The following HDGFL3 variants were observed in gnomAD, a reference collection of about 807,000 sequenced individuals.
HDGFL3 encodes hepatoma-derived growth factor-related protein 3.
In HDGFL3, 6 loss-of-function variants were observed where a neutral mutation model predicts 27.6. That is an observed-to-expected ratio of 0.22 (90% CI 0.12 to 0.43). The LOEUF (loss-of-function observed/expected upper bound fraction) is 0.43, where lower values mean the gene tolerates loss of function less well. Ranked by LOEUF, HDGFL3 falls within the 20% of genes least tolerant of loss-of-function variation. HDGFL3 has a pLI of 1.00. For missense variants in HDGFL3, 207 were observed against 250.1 expected (o/e 0.83, Z 1.16); for synonymous variants, 88 against 88.9 (o/e 0.99, Z 0.05).
rs2151377800 is a variant in HDGFL3 at position 83,128,112 on chromosome 15, T to C, written c.*11158A>G. 6.6e-6 allele frequency: 1 copy of C among 152,336 alleles called. No individual in the cohort carries two copies. The highest frequency in any genetic ancestry group is 2.1e-4 in the South Asian group (1 of 4,832). The allele number at this position is 152,336 out of a possible 1,614,324, so 9.4% of individuals were successfully genotyped here. A position where few individuals can be genotyped will look rare whatever the true frequency, so the allele number is the denominator to read the frequency against. ...CTTCTGAACAAGGAAGAAAATTAAT[T>C]TTTCTTACTAGAAATAAAACAAATG... is the stretch of plus-strand genomic sequence containing the variant. On this transcript the variant is annotated 3_prime_UTR_variant, in exon 6 of 6. Transcript: ENST00000299633.
rs952103572 is a variant in HDGFL3, at chr15:83,135,557, A to T, written c.*3713T>A. On this transcript the variant is annotated 3_prime_UTR_variant, in exon 6 of 6. Transcript: ENST00000299633. Reference sequence around the variant, plus strand: ...ATTTTGTAATGATACAAGCCTTCTGAGGAAATTTTCTGACAGGAGCTTTTA... The same window carrying T: ...ATTTTGTAATGATACAAGCCTTCTGTGGAAATTTTCTGACAGGAGCTTTTA... 1 of 152,184 alleles carries T rather than the reference A, an allele frequency of 6.6e-6. No individual in the cohort carries two copies. Among genetic ancestry groups the T allele is most frequent in the Non-Finnish European group, 1.5e-5 (1 of 68,026 alleles). 9.4% of individuals were successfully genotyped at this position (152,184 alleles called of 1,614,324 possible).
At chr15:83,193,824 CT>C (rs2037540259) in intron 1 of HDGFL3, among the ~76,000 whole-genome samples, 1 of 152,184 alleles carries the variant, frequency 6.6e-6, no homozygotes, top group Non-Finnish European at 1.5e-5. Context: ...AGAACTGCCC[CT>C]GAACTGCTAC....
At chr15:83,181,441 C>A (rs780286663) in intron 1 of HDGFL3, among the ~76,000 whole-genome samples, 4 of 152,164 alleles carry the variant, frequency 2.6e-5, no homozygotes, top group African/African-American at 9.7e-5. Flanking sequence ...TTATGATCTT[C>A]ATTTAAACCT....
At chr15:83,126,347 AG>A (rs2035751047), downstream of HDGFL3, among the ~76,000 whole-genome samples, 1 of 152,202 alleles carries the variant, frequency 6.6e-6, no homozygotes, top group Non-Finnish European at 1.5e-5. Flanking sequence ...GGAGACAGGA[AG>A]GTGCTATTTT....
At chr15:83,119,050 TAGA>T (rs1226027403) in intron 3 of HDGFL3, among the ~76,000 whole-genome samples, 1 of 151,992 alleles carries the variant, frequency 6.6e-6, no homozygotes, top group Admixed American at 6.6e-5. Context: ...GTTGGGAAGG[TAGA>T]AGGAGGGGTT....
At chr15:83,125,669 T>C (rs2035677416), downstream of HDGFL3, among the ~76,000 whole-genome samples, 1 of 152,252 alleles carries the variant, frequency 6.6e-6, no homozygotes. Context: ...TTGTTAATTA[T>C]ATTCAGCTTC....
chr15:83,197,966 G>C (rs2037592098), intron 1 of HDGFL3, among the ~76,000 whole-genome samples: 2 of 147,668 alleles, frequency 1.4e-5, no homozygotes, highest in East Asian at 2.0e-4. Context: ...CGGCGGGGAG[G>C]GGGTGATGAG....
chr15:83,167,086 A>AT (rs761960571), intron 1 of HDGFL3, among the ~76,000 whole-genome samples: 37 of 152,240 alleles, frequency 2.4e-4, no homozygotes, highest in Non-Finnish European at 4.3e-4. Flanking sequence ...GGCAGCTTGG[A>AT]TAAGAAAACA....
intron 5 of HDGFL3, among the ~76,000 whole-genome samples, chr15:83,148,235 T>G (rs1167788474): frequency 6.6e-6 from 1 of 152,214 alleles, no homozygotes. Flanking sequence ...GGCTCAGTAT[T>G]TTCAGTTCTA....
At chr15:83,188,692 T>TTA (rs2037475409) in intron 1 of HDGFL3, among the ~76,000 whole-genome samples, 2 of 152,316 alleles carry the variant, frequency 1.3e-5, no homozygotes, top group Non-Finnish European at 1.5e-5. Context: ...CATCCACTTC[T>TTA]TATGAGTCTC....
exon 4 of HDGFL3, chr15:83,113,112 G>A (rs1293674138): frequency 1.7e-6 from 1 of 581,450 alleles, no homozygotes; most frequent in Non-Finnish European, 3.1e-6. Flanking sequence ...CATCCCGGTG[G>A]AGAGTTACTG....
intron 1 of HDGFL3, among the ~76,000 whole-genome samples, chr15:83,194,087 A>C (rs2037543020): frequency 6.6e-6 from 1 of 152,188 alleles, no homozygotes; most frequent in Non-Finnish European, 1.5e-5. Context: ...CAAAGAACAG[A>C]ATGTAGGGTC....
chr15:83,193,877 A>G lies in HDGFL3; in HGVS notation c.84+13454T>C, dbSNP rs566480198. On this transcript the variant is annotated intron_variant, in intron 1 of 5. Transcript: ENST00000299633. ...ACAGGGTAGCCTATAGTGTAGCTGC[A>G]CTCTGCATGGGGCAGTACCTGTGCT... is the stretch of plus-strand genomic sequence containing the variant. Among the ~76,000 whole-genome samples the G allele has an allele frequency of 6.6e-5, 10 of 152,182 alleles. No homozygotes were observed. In the South Asian group the frequency reaches 1.7e-3, roughly 25 times the overall value.
chr15:83,118,648 T>C (rs2034923111), intron 3 of HDGFL3, among the ~76,000 whole-genome samples: 1 of 152,192 alleles, frequency 6.6e-6, no homozygotes, highest in Non-Finnish European at 1.5e-5. Flanking sequence ...CCCTGCTTGC[T>C]TGGCTGATTG....
intron 2 of HDGFL3, among the ~76,000 whole-genome samples, chr15:83,162,474 G>A (rs1018525004): frequency 6.6e-6 from 1 of 152,086 alleles, no homozygotes; most frequent in African/African-American, 2.4e-5. Context: ...AATAAAATGG[G>A]GGCGGGAATA....
At chr15:83,167,562 G>GAAAAAAAAAAAAAAAAA (rs76337560) in intron 1 of HDGFL3, among the ~76,000 whole-genome samples, 1 of 99,202 alleles carries the variant, frequency 1.0e-5, no homozygotes, top group Non-Finnish European at 2.2e-5. Flanking sequence ...TCCATCTCAA[G>GAAAAAAAAAAAAAAAAA]AAAAAAAAAA....
chr15:83,205,216 A>G (rs549861271), intron 1 of HDGFL3, among the ~76,000 whole-genome samples: 61 of 152,342 alleles, frequency 4.0e-4, no homozygotes, highest in African/African-American at 1.5e-3. Context: ...GGATGAAAAA[A>G]ATGAAAACAT....
chr15:83,136,276 G>C lies in HDGFL3; in HGVS notation c.*2994C>G, dbSNP rs1217577573. On this transcript the variant is annotated 3_prime_UTR_variant, in exon 6 of 6. Coordinates refer to ENST00000299633, the MANE Select transcript of HDGFL3 (RefSeq NM_016073.4). ...TACTTTATTTGAACAGTCATATCAA[G>C]AATGGCCCTAAATTTAATCAAGGAC... is the stretch of plus-strand genomic sequence containing the variant. The C allele has an allele frequency of 4.7e-6, 2 of 428,442 alleles. No homozygotes were observed. Among genetic ancestry groups the C allele is most frequent in the Non-Finnish European group, 8.2e-6 (2 of 242,870 alleles). The allele number at this position is 428,442 out of a possible 1,614,324, so 26.5% of individuals were successfully genotyped here. A position where few individuals can be genotyped will look rare whatever the true frequency, so the allele number is the denominator to read the frequency against.
chr15:83,197,850 A>G (rs2037590461), intron 1 of HDGFL3, among the ~76,000 whole-genome samples: 1 of 151,894 alleles, frequency 6.6e-6, no homozygotes, highest in Admixed American at 6.6e-5. Context: ...CCTGCCCAAC[A>G]TGGCAAAACC....
Sources: allele counts gnomAD v4.1 joint callset (sites outside exome capture counted in the v4.1 genomes callset), GRCh38; gene constraint gnomAD v4.1.1; transcripts MANE v1.5; gene names NCBI Gene and HGNC (gene_info 2026-07-23, HGNC 2026-07-21).